Variants in GALK2 observed in about 807,000 individuals in gnomAD.
GALK2 encodes the protein N-acetylgalactosamine kinase.
In GALK2, 36 loss-of-function variants were observed where a neutral mutation model predicts 52.4. The ratio of observed to expected loss-of-function variants is 0.69; its 90% CI spans 0.53 to 0.91. GALK2 has a LOEUF of 0.91. Among genes scored for constraint, GALK2 ranks in the 40% least tolerant of loss-of-function variants. GALK2 has a pLI of 0.00. For missense variants in GALK2, 579 were observed against 559.1 expected (o/e 1.04, Z -0.36); for synonymous variants, 176 against 199.1 (o/e 0.88, Z 0.98).
chr15:49,156,245 C>A, intron 1 of GALK2: 1 of 551,296 alleles, frequency 1.8e-6, no homozygotes, highest in East Asian at 3.2e-5. Flanking sequence ...CCTTTACAGC[C>A]CTTGGGACCA....
intron 8 of GALK2, among the ~76,000 whole-genome samples, chr15:49,299,763 CTTT>C (rs2034899174): frequency 9.8e-5 from 11 of 112,784 alleles, no homozygotes; most frequent in African/African-American, 3.0e-4. Flanking sequence ...TTCTTTCTTT[CTTT>C]CTTTCTTTCT....
chr15:49,270,838 T>C (rs2030427364), intron 5 of GALK2, among the ~76,000 whole-genome samples: 1 of 152,204 alleles, frequency 6.6e-6, no homozygotes. Flanking sequence ...ATTATTATGC[T>C]AGGGAAAGAA....
intron 5 of GALK2, among the ~76,000 whole-genome samples, chr15:49,268,170 C>T (rs977066758): frequency 2.0e-5 from 3 of 152,128 alleles, no homozygotes; most frequent in Admixed American, 6.5e-5. Context: ...TGACTCCTCC[C>T]CTCATGGAGC....
chr15:49,238,818 T>A (rs2090957508), intron 4 of GALK2, among the ~76,000 whole-genome samples: 1 of 152,216 alleles, frequency 6.6e-6, no homozygotes, highest in African/African-American at 2.4e-5. Context: ...GCATGGAGAT[T>A]TAAATTACCT....
At chr15:49,363,540 T>A (rs1348007711) in intron 3 of GALK2, among the ~76,000 whole-genome samples, 1 of 152,196 alleles carries the variant, frequency 6.6e-6, no homozygotes, top group Non-Finnish European at 1.5e-5. Context: ...CGATTGGTTT[T>A]GCTACATATA....
chr15:49,313,195 C>A (rs900317634), intron 8 of GALK2, among the ~76,000 whole-genome samples: 2 of 152,182 alleles, frequency 1.3e-5, no homozygotes, highest in African/African-American at 2.4e-5. Context: ...GTCAGACCTT[C>A]CAGTTTTCCA....
chr15:49,196,356 T>C (rs2087234625), intron 1 of GALK2, among the ~76,000 whole-genome samples: 1 of 152,164 alleles, frequency 6.6e-6, no homozygotes, highest in African/African-American at 2.4e-5. Flanking sequence ...ATTCTATCTT[T>C]CACTTCATTT....
At chr15:49,314,165 A>T (rs1365786417) in intron 8 of GALK2, among the ~76,000 whole-genome samples, 2 of 152,244 alleles carry the variant, frequency 1.3e-5, no homozygotes, top group African/African-American at 4.8e-5. Flanking sequence ...CTATGTAACC[A>T]TCTTTTAAAG....
chr15:49,231,730 TG>T (rs2090514465), intron 3 of GALK2, among the ~76,000 whole-genome samples: 1 of 152,228 alleles, frequency 6.6e-6, no homozygotes, highest in African/African-American at 2.4e-5. Context: ...ACAGGCCCCA[TG>T]TAAGTTTGAA....
chr15:49,195,550 T>A (rs746404869), intron 1 of GALK2, among the ~76,000 whole-genome samples: 3 of 152,224 alleles, frequency 2.0e-5, no homozygotes, highest in Admixed American at 2.0e-4. Context: ...GTCTACTGAT[T>A]TCTGTATATT....
intron 2 of GALK2, among the ~76,000 whole-genome samples, chr15:49,211,368 A>G (rs1040836170): frequency 3.3e-5 from 5 of 152,172 alleles, no homozygotes; most frequent in Non-Finnish European, 7.3e-5. Flanking sequence ...AGCATTTTGG[A>G]CACAACCATT....
chr15:49,199,236 T>C (rs1459522004), intron 1 of GALK2: 2 of 152,220 alleles, frequency 1.3e-5, no homozygotes, highest in African/African-American at 4.8e-5. Context: ...TGTAGTTCAC[T>C]AATGTTTTGT....
At chr15:49,230,205 C>A (rs1241937317) in intron 3 of GALK2, among the ~76,000 whole-genome samples, 2 of 152,100 alleles carry the variant, frequency 1.3e-5, no homozygotes, top group African/African-American at 4.8e-5. Flanking sequence ...TTGCTTAAGA[C>A]TTGGGGGTGT....
At chr15:49,207,424 G>T (rs1459790021) in intron 2 of GALK2, among the ~76,000 whole-genome samples, 11 of 152,130 alleles carry the variant, frequency 7.2e-5, no homozygotes, top group African/African-American at 2.7e-4. Flanking sequence ...GAAAAGGATT[G>T]GTTTCAATTC....
chr15:49,332,550 C>G (rs1366603353), downstream of GALK2, among the ~76,000 whole-genome samples: 1 of 151,898 alleles, frequency 6.6e-6, no homozygotes, highest in African/African-American at 2.4e-5. Flanking sequence ...AGGGGAGAAG[C>G]AATGGTAGCT....
chr15:49,251,414 C>A (rs558518362), intron 5 of GALK2, among the ~76,000 whole-genome samples: 1 of 152,088 alleles, frequency 6.6e-6, no homozygotes, highest in Non-Finnish European at 1.5e-5. Flanking sequence ...ATAATGACTG[C>A]CTTTGGGAAT....
At chr15:49,158,757 C>A (rs1295125830) in intron 1 of GALK2, 1 of 152,202 alleles carries the variant, frequency 6.6e-6, no homozygotes, top group Non-Finnish European at 1.5e-5. Context: ...CGTGACTCCA[C>A]AAATGGTTAT....
At chr15:49,205,861 T>C (rs1201374451) in intron 2 of GALK2, among the ~76,000 whole-genome samples, 1 of 152,224 alleles carries the variant, frequency 6.6e-6, no homozygotes, top group Non-Finnish European at 1.5e-5. Context: ...TTTTTTAGTT[T>C]CATATCTTAG....
intron 8 of GALK2, among the ~76,000 whole-genome samples, chr15:49,305,371 G>A (rs1432652369): frequency 4.6e-5 from 7 of 152,150 alleles, no homozygotes; most frequent in Admixed American, 2.6e-4. Context: ...TATATTCAGG[G>A]TAGAGACGCT....
Sources: allele counts gnomAD v4.1 joint callset (sites outside exome capture counted in the v4.1 genomes callset), GRCh38; gene constraint gnomAD v4.1.1; transcripts MANE v1.5; gene names NCBI Gene and HGNC (gene_info 2026-07-23, HGNC 2026-07-21).